APTX: variants seen among roughly 807,000 people sequenced by gnomAD.
APTX encodes forkhead-associated domain histidine triad-like protein.
A neutral mutation model predicts 42.3 loss-of-function variants in APTX; 33 were observed. The observed-to-expected ratio is 0.78, with a 90% CI of 0.59 to 1.04. APTX has a LOEUF of 1.04. APTX is among the 50% of genes least tolerant of loss of function. The pLI, the probability that APTX is intolerant of heterozygous loss-of-function variation, is 0.00. For missense variants in APTX, 421 were observed against 415.1 expected (o/e 1.01, Z -0.12); for synonymous variants, 130 against 146.7 (o/e 0.89, Z 0.82).
upstream of APTX, among the ~76,000 whole-genome samples, chr9:33,004,859 C>G (rs1837023331): frequency 1.3e-5 from 2 of 151,060 alleles, no homozygotes; most frequent in Admixed American, 1.3e-4. Flanking sequence ...CCAGGCTGAT[C>G]TCAAACTCCT....
intron 1 of APTX, among the ~76,000 whole-genome samples, chr9:33,019,105 C>G (rs1174910874): frequency 6.6e-6 from 1 of 152,144 alleles, no homozygotes; most frequent in Non-Finnish European, 1.5e-5. Flanking sequence ...GTTGTGGGAA[C>G]TGTACCATTT....
At chr9:32,987,121 C>T (rs1445677190) in intron 4 of APTX, among the ~76,000 whole-genome samples, 1 of 152,176 alleles carries the variant, frequency 6.6e-6, no homozygotes, top group Admixed American at 6.5e-5. Flanking sequence ...GCCAGCCTTC[C>T]TATATTCACA....
intron 6 of APTX, among the ~76,000 whole-genome samples, chr9:32,982,198 A>T (rs1399171212): frequency 6.6e-6 from 1 of 152,214 alleles, no homozygotes; most frequent in Non-Finnish European, 1.5e-5. Flanking sequence ...ACAAAATTAG[A>T]CAAACCCAAA....
Position 32,984,858 on chromosome 9 carries a change from C to G in APTX, c.544-1G>C, listed in dbSNP as rs2118688818. ...CCACCACCTGCTCATCTTTGTAAAC[C>G]TAGCAGAGGGATACAAGAGAAGGAA... On this transcript the variant is annotated splice_acceptor_variant, in intron 5 of 7. Transcript: ENST00000379817. LOFTEE classifies it high-confidence loss of function. 1 of 1,612,442 alleles carries G rather than the reference C, an allele frequency of 6.2e-7. No homozygotes were observed. Among genetic ancestry groups the G allele is most frequent in the Non-Finnish European group, 8.5e-7 (1 of 1,178,416 alleles).
intron 1 of APTX, among the ~76,000 whole-genome samples, chr9:32,995,463 A>C (rs1182708953): frequency 6.6e-6 from 1 of 152,252 alleles, no homozygotes; most frequent in Non-Finnish European, 1.5e-5. Context: ...GAACCTGAAG[A>C]TGTGACTGAA....
chr9:32,992,229 C>G (rs1833816459), intron 1 of APTX, among the ~76,000 whole-genome samples: 1 of 151,964 alleles, frequency 6.6e-6, no homozygotes, highest in African/African-American at 2.4e-5. Flanking sequence ...TGTCCATAAG[C>G]AAAGAAAAAA....
chr9:32,989,969 C>T (rs1331305681), intron 1 of APTX, 74 bp from the exon 2 acceptor site: 2 of 1,543,718 alleles, frequency 1.3e-6, no homozygotes, highest in Non-Finnish European at 1.8e-6. Context: ...ACACCCGGTG[C>T]CACCACGCAT....
chr9:33,001,659 C>T, upstream of APTX: 1 of 1,606,400 alleles, frequency 6.2e-7, no homozygotes, highest in South Asian at 1.1e-5. Flanking sequence ...GGCTGTATCG[C>T]GACCAGTGAC....
At chr9:33,004,877 T>A (rs2119187430), upstream of APTX, among the ~76,000 whole-genome samples, 1 of 152,068 alleles carries the variant, frequency 6.6e-6, no homozygotes, top group African/African-American at 2.4e-5. Context: ...CCTGACCTTG[T>A]GATCCACCCA....
chr9:33,011,007 G>A lies in APTX; in HGVS notation c.-5+14016C>T, dbSNP rs550535857. ...AAAGTACAAAAATTAACAGAGCGTG[G>A]TGGTGCACGCCTGTAATCCCAGTTA... On this transcript the variant is annotated intron_variant, in intron 1 of 6. Coordinates refer to the APTX transcript ENST00000436040. Among the ~76,000 whole-genome samples the A allele has an allele frequency of 2.6e-5, 4 of 152,092 alleles. No homozygotes were observed. The South Asian group carries it at 8.3e-4, about 32-fold the overall frequency.
chr9:32,985,994 A>C lies in APTX; in HGVS notation c.520T>G (p.Ser174Ala). 6.2e-7 allele frequency: 1 copy of C among 1,609,252 alleles called. No individual in the cohort carries two copies. The highest frequency in any genetic ancestry group is 1.1e-5 in the South Asian group (1 of 90,790). The change falls in exon 5 of 8, where the codon TCT becomes GCT. Residue 174 changes from serine (S) to alanine (A), a missense_variant. Transcript: ENST00000379817. Reference sequence around the variant, plus strand: ...ACCTGCATTTTGGGGTCCTGCATAGAAATCTTCAAGCCTTGACTCCAGTGG... The same window carrying C: ...ACCTGCATTTTGGGGTCCTGCATAGCAATCTTCAAGCCTTGACTCCAGTGG... The part of the protein sequence containing the change: ...LGHWSQGLKI[S>A]MQDPKMQVYK...
chr9:33,021,978 A>AG lies in APTX; in HGVS notation c.-5+3044dup, dbSNP rs1357400724. Among the ~76,000 whole-genome samples, 106 of 150,108 alleles carry AG rather than the reference A, an allele frequency of 7.1e-4. 1 individual carries two copies. The highest frequency in any genetic ancestry group is 1.3e-3 in the South Asian group (6 of 4,786). ...GTTAATTTAAAAAAAAAAAAAAAAA[A>AG]GGGAAACAATGAAAGTACTAGACCT... On this transcript the variant is annotated intron_variant, in intron 1 of 6. Coordinates refer to the APTX transcript ENST00000436040.
intron 1 of APTX, among the ~76,000 whole-genome samples, chr9:32,991,322 C>G (rs1053163366): frequency 2.0e-5 from 3 of 152,168 alleles, no homozygotes; most frequent in Non-Finnish European, 4.4e-5. Context: ...AAAAACAACC[C>G]TTATGGCCAT....
At chr9:32,974,423 T>C (rs1384133720) in intron 7 of APTX, 35 bp downstream of exon 7, 9 of 1,323,716 alleles carry the variant, frequency 6.8e-6, no homozygotes, top group Admixed American at 1.7e-5. Flanking sequence ...GCTCAGAAAA[T>C]GAAACAAATG....
intron 1 of APTX, among the ~76,000 whole-genome samples, chr9:33,014,140 T>G (rs1312111268): frequency 6.6e-6 from 1 of 152,228 alleles, no homozygotes; most frequent in Admixed American, 6.5e-5. Flanking sequence ...AAAGGCCTAC[T>G]CTGGCACCAT....
Position 32,986,040 on chromosome 9 carries a change from A to C in APTX, c.484-10T>G. ...AGTGGCCCAGGGATTCCTAAAAAAA[A>C]AACAAAAAAAAAAACAAAAAAAAAA... On this transcript the variant is annotated splice_polypyrimidine_tract_variant and intron_variant, in intron 4 of 7. Coordinates refer to ENST00000379817, the MANE Select transcript of APTX (RefSeq NM_001195248.2). The C allele has an allele frequency of 3.0e-6, 2 of 655,894 alleles. No individual in the cohort carries two copies. The highest frequency in any genetic ancestry group is 2.7e-5 in the African/African-American group (1 of 37,148). The allele number at this position is 655,894 out of a possible 1,614,324, so 40.6% of individuals were successfully genotyped here. A position where few individuals can be genotyped will look rare whatever the true frequency, so the allele number is the denominator to read the frequency against.
intron 1 of APTX, among the ~76,000 whole-genome samples, chr9:33,013,860 A>G (rs919297171): frequency 6.6e-6 from 1 of 152,190 alleles, no homozygotes; most frequent in Non-Finnish European, 1.5e-5. Flanking sequence ...TTCAATGTCA[A>G]TGATAACAGG....
At chr9:33,023,835 T>C (rs10758179) in intron 1 of APTX, among the ~76,000 whole-genome samples, 19,869 of 152,260 alleles carry the variant, frequency 0.13, 1,474 homozygotes, top group East Asian at 0.28. Context: ...GTAGCATATA[T>C]ACCAACAGAC....
At chr9:32,989,540 T>C (rs1833040673) in intron 2 of APTX, 1 of 700,648 alleles carries the variant, frequency 1.4e-6, no homozygotes, top group East Asian at 2.9e-5. Flanking sequence ...TGAACTTGAC[T>C]GCTCCCAACC....
Sources: gnomAD v4.1 joint callset for allele counts (sites outside exome capture counted in the v4.1 genomes callset) on GRCh38, gnomAD v4.1.1 for gene constraint, MANE v1.5 for transcripts, NCBI Gene and HGNC (gene_info 2026-07-23, HGNC 2026-07-21) for gene names.